Variants in SEM1 observed in about 807,000 individuals in gnomAD.
The protein encoded by SEM1 is 26S proteasome complex subunit SEM1.
A neutral mutation model predicts 12.7 loss-of-function variants in SEM1; 3 were observed. The ratio of observed to expected loss-of-function variants is 0.24; its 90% CI spans 0.11 to 0.61. SEM1 has a LOEUF of 0.61. Ranked by LOEUF, SEM1 falls within the 20% of genes least tolerant of loss-of-function variation. SEM1 has a pLI of 0.88. For synonymous variants in SEM1, 30 were observed against 27.8 expected (o/e 1.08, Z -0.25); for missense variants, 59 against 81.3 (o/e 0.73, Z 1.06).
chr7:96,636,652 A>G (rs905486542), intron 2 of SEM1, among the ~76,000 whole-genome samples: 1 of 152,122 alleles, frequency 6.6e-6, no homozygotes, highest in African/African-American at 2.4e-5. Flanking sequence ...AGCTGTTCAC[A>G]GCCCTGAATT....
chr7:96,504,263 A>G (rs1803673183), intron 3 of SEM1, among the ~76,000 whole-genome samples: 1 of 152,142 alleles, frequency 6.6e-6, no homozygotes. Context: ...CCTTTCCTAA[A>G]GTGACCCCTT....
At chr7:96,541,779 A>C (rs1421930726) in intron 2 of SEM1, among the ~76,000 whole-genome samples, 2 of 151,534 alleles carry the variant, frequency 1.3e-5, no homozygotes, top group African/African-American at 2.4e-5. Context: ...TATATGGTAA[A>C]AGGTAGGTGC....
At chr7:96,515,766 T>C (rs941434516) in intron 2 of SEM1, among the ~76,000 whole-genome samples, 7 of 152,100 alleles carry the variant, frequency 4.6e-5, no homozygotes, top group African/African-American at 1.7e-4. Flanking sequence ...GTAAGCAAAC[T>C]ATCACAAGGA....
intron 2 of SEM1, among the ~76,000 whole-genome samples, chr7:96,524,017 C>T (rs1804367008): frequency 6.6e-6 from 1 of 152,018 alleles, no homozygotes; most frequent in Non-Finnish European, 1.5e-5. Flanking sequence ...GGTTTGTTGT[C>T]CTCTTCTTCC....
At chr7:96,591,919 A>G (rs896680825) in intron 2 of SEM1, among the ~76,000 whole-genome samples, 4 of 152,138 alleles carry the variant, frequency 2.6e-5, no homozygotes, top group African/African-American at 7.2e-5. Context: ...TTACAATAAA[A>G]GAATTCATCT....
intron 2 of SEM1, among the ~76,000 whole-genome samples, chr7:96,658,153 T>C (rs944825261): frequency 2.0e-5 from 3 of 152,076 alleles, no homozygotes; most frequent in Non-Finnish European, 2.9e-5. Context: ...GGATGGGATG[T>C]GTGATTCAGT....
chr7:96,622,442 G>C, downstream of SEM1: 1 of 536,962 alleles, frequency 1.9e-6, no homozygotes, highest in Non-Finnish European at 3.3e-6. Context: ...CGATTCAGGA[G>C]AAGTCAAGAA....
intron 1 of SEM1, among the ~76,000 whole-genome samples, chr7:96,705,127 TG>T (rs1377995222): frequency 1.3e-5 from 2 of 152,158 alleles, no homozygotes; most frequent in African/African-American, 4.8e-5. Flanking sequence ...GTCTGTTGTC[TG>T]CCTCAACAGA....
intron 2 of SEM1, among the ~76,000 whole-genome samples, chr7:96,683,097 C>G (rs995946045): frequency 6.6e-6 from 1 of 152,026 alleles, no homozygotes; most frequent in Non-Finnish European, 1.5e-5. Context: ...CGCTTTTACA[C>G]TGTTGGTGGG....
intron 2 of SEM1, among the ~76,000 whole-genome samples, chr7:96,613,981 T>A (rs1015456367): frequency 1.3e-5 from 2 of 152,248 alleles, no homozygotes; most frequent in Non-Finnish European, 2.9e-5. Flanking sequence ...ATATCTTGGC[T>A]ATTGTGAATA....
intron 3 of SEM1, among the ~76,000 whole-genome samples, chr7:96,504,052 G>T (rs1354559604): frequency 6.6e-6 from 1 of 151,996 alleles, no homozygotes; most frequent in African/African-American, 2.4e-5. Context: ...AGGAGGAAAG[G>T]GTTCCCTTTA....
At chr7:96,695,795 C>G (rs1790076984) in intron 1 of SEM1, 1 of 151,906 alleles carries the variant, frequency 6.6e-6, no homozygotes, top group Non-Finnish European at 1.5e-5. Flanking sequence ...AAATAACCAG[C>G]TTCCTAAACT....
At position 96,610,305 on chromosome 7, in the gene SEM1, G is replaced by A. The variant is rs1807502387; in HGVS notation, c.170+84493C>T. The stretch of plus-strand genomic sequence containing the variant: ...GTAGAGATGGGGTTTCTCCATGTTG[G>A]TGAGGTCAGTCTCGAACTCCCGACC... On this transcript the variant is annotated intron_variant and NMD_transcript_variant, in intron 2 of 3. Transcript: ENST00000466986. 1.3e-5 allele frequency among the ~76,000 whole-genome samples: 2 copies of A among 152,092 alleles called. 1 individual carries two copies. Among genetic ancestry groups the A allele is most frequent in the South Asian group, 4.2e-4 (2 of 4,814 alleles).
intron 2 of SEM1, among the ~76,000 whole-genome samples, chr7:96,600,251 G>A (rs1467143203): frequency 6.6e-6 from 1 of 152,182 alleles, no homozygotes; most frequent in Non-Finnish European, 1.5e-5. Context: ...ATTTTTAAGT[G>A]AGGGAGAGAA....
chr7:96,559,753 A>G (rs1805634812), intron 2 of SEM1, among the ~76,000 whole-genome samples: 1 of 152,212 alleles, frequency 6.6e-6, no homozygotes, highest in South Asian at 2.1e-4. Flanking sequence ...TACACAACCT[A>G]GTTCCCTTAA....
intron 2 of SEM1, among the ~76,000 whole-genome samples, chr7:96,587,664 T>C (rs1335233826): frequency 5.1e-5 from 7 of 136,944 alleles, no homozygotes; most frequent in Admixed American, 3.7e-4. Flanking sequence ...TTTTTTTTTT[T>C]TCCCCAGGAA....
chr7:96,692,442 G>T (rs1316334879), intron 2 of SEM1, among the ~76,000 whole-genome samples: 1 of 152,118 alleles, frequency 6.6e-6, no homozygotes, highest in Non-Finnish European at 1.5e-5. Flanking sequence ...GCATTTGGAA[G>T]ACCTGAAAAT....
Position 96,694,821 on chromosome 7 carries a change from C to T in SEM1, c.147G>A (p.Glu49=), listed in dbSNP as rs1790038589. Residue 49 remains glutamate (E), a synonymous_variant, in exon 2 of 3, where the codon GAG becomes GAA. Transcript: ENST00000248566. The stretch of plus-strand genomic sequence containing the variant: ...ACCGTAACTGATTAGAGAAGTCATC[C>T]TCTACATTGTCATCATCCCAATTAT... The part of the protein sequence containing the change: ...WEDNWDDDNV[E]DDFSNQLRAE... 1.9e-6 allele frequency: 3 copies of T among 1,609,272 alleles called. No homozygotes were observed. Among genetic ancestry groups the T allele is most frequent in the African/African-American group, 1.3e-5 (1 of 74,766 alleles).
At chr7:96,586,392 C>G (rs1367146357) in intron 2 of SEM1, among the ~76,000 whole-genome samples, 1 of 152,088 alleles carries the variant, frequency 6.6e-6, no homozygotes, top group African/African-American at 2.4e-5. Flanking sequence ...GGTAAGAGTC[C>G]CAACTCACCC....
Sources: gnomAD v4.1 joint callset for allele counts (sites outside exome capture counted in the v4.1 genomes callset) on GRCh38, gnomAD v4.1.1 for gene constraint, MANE v1.5 for transcripts, NCBI Gene and HGNC (gene_info 2026-07-23, HGNC 2026-07-21) for gene names.